DIP2C: variants seen among roughly 807,000 people sequenced by gnomAD.
DIP2C encodes DIP2 acetate--CoA ligase C (putative).
In DIP2C, 33 loss-of-function variants were observed where a neutral mutation model predicts 192.4. That is an observed-to-expected ratio of 0.17 (90% CI 0.13 to 0.23). DIP2C has a LOEUF of 0.23. Ranked by LOEUF, DIP2C falls within the 10% of genes least tolerant of loss-of-function variation. The pLI is 1.00. For synonymous variants in DIP2C, 979 were observed against 864.1 expected (o/e 1.13, Z -2.33); for missense variants, 1,537 against 2,110.1 (o/e 0.73, Z 5.32).
In DIP2C at chr10:288,391, A is replaced by G. The variant is rs745373482; in HGVS notation, c.4017T>C (p.His1339=). The change falls in exon 33 of 37, where the codon CAT becomes CAC. Residue 1339 remains histidine (H), a synonymous_variant. Coordinates refer to ENST00000280886, the MANE Select transcript of DIP2C (RefSeq NM_014974.3). ...RVRLVERGSP[H]SLPLMESGKI... ...TTCCCGATTCCATCAGGGGCAGACT[A>G]TGAGGGGATCCTCTTTCCACTAAGC... 2 of 1,614,086 alleles carry G rather than the reference A, an allele frequency of 1.2e-6. No homozygotes were observed. The highest frequency in any genetic ancestry group is 2.2e-5 in the South Asian group (2 of 91,052).
At chr10:588,410 T>C (rs1295883525) in intron 1 of DIP2C, among the ~76,000 whole-genome samples, 2 of 152,210 alleles carry the variant, frequency 1.3e-5, no homozygotes, top group Non-Finnish European at 2.9e-5. Flanking sequence ...ATTGGGAGAT[T>C]CCATCTCCGG....
At chr10:633,575 G>A (rs373726751) in intron 1 of DIP2C, among the ~76,000 whole-genome samples, 4 of 152,204 alleles carry the variant, frequency 2.6e-5, no homozygotes, top group African/African-American at 4.8e-5. Flanking sequence ...GGGCCCTCGC[G>A]TCACCCAAGG....
chr10:577,737 G>A (rs992233812), intron 1 of DIP2C, among the ~76,000 whole-genome samples: 3 of 152,088 alleles, frequency 2.0e-5, no homozygotes, highest in East Asian at 1.9e-4. Flanking sequence ...CTGAACACCT[G>A]GGAGAAATGT....
At chr10:528,305 ACCCAGAATGCAGACCGCCCACAGCTCC>A (rs1379485042) in intron 1 of DIP2C, among the ~76,000 whole-genome samples, 6 of 151,380 alleles carry the variant, frequency 4.0e-5, no homozygotes. Context: ...CCTGCTGCCC[ACCCAGAATGCAGACCGCCCACAGCTCC>A]CCCAGAAAGC....
chr10:689,554 T>G lies in DIP2C; in HGVS notation c.25A>C (p.Met9Leu), dbSNP rs1831469535. ...GCCCGCACCTCCAGGGGCAGCGCCA[T>G]GCCCTCCAGGCTGCGGTCCGCCATG... MADRSLEG[M>L]ALPLEVRARL... Residue 9 changes from methionine to leucine, a missense_variant, in exon 1 of 37, where the codon ATG becomes CTG. Coordinates refer to ENST00000280886, the MANE Select transcript of DIP2C (RefSeq NM_014974.3). This position sits in a 1 kb window ranked among gnomAD's most constrained non-coding sequence, Gnocchi z 6.1. 1 of 1,274,400 alleles carries G rather than the reference T, an allele frequency of 7.8e-7. No homozygotes were observed. The highest frequency in any genetic ancestry group is 2.8e-5 in the Admixed American group (1 of 36,112). The allele number at this position is 1,274,400 out of a possible 1,614,324, so 78.9% of individuals were successfully genotyped here.
At chr10:597,168 G>A (rs1289319286) in intron 1 of DIP2C, among the ~76,000 whole-genome samples, 1 of 152,208 alleles carries the variant, frequency 6.6e-6, no homozygotes, top group African/African-American at 2.4e-5. Context: ...CTGGCTGCAG[G>A]CCAGTGGCAT....
At chr10:467,018 C>A (rs1374041355) in intron 3 of DIP2C, among the ~76,000 whole-genome samples, 1 of 150,980 alleles carries the variant, frequency 6.6e-6, no homozygotes, top group Non-Finnish European at 1.5e-5. Flanking sequence ...TTTGACCCAG[C>A]CATCCCATTA....
Position 658,128 on chromosome 10 carries a change from G to A in DIP2C, c.85+31366C>T, listed in dbSNP as rs1308525290. ...CCCTGGACCTGCCCCTGGACCTGCC[G>A]CTGGACCTGTCCCTGGACCTGACGC... On this transcript the variant is annotated intron_variant, in intron 1 of 36. Coordinates refer to ENST00000280886, the MANE Select transcript of DIP2C (RefSeq NM_014974.3). Among the ~76,000 whole-genome samples the A allele has an allele frequency of 6.5e-5, 8 of 122,244 alleles. No individual in the cohort carries two copies. The East Asian group carries it at 1.3e-3, about 19-fold the overall frequency. The allele number at this position is 122,244 out of a possible 152,430, so 80.2% of individuals were successfully genotyped here.
chr10:577,282 T>C (rs1157768895), intron 1 of DIP2C, among the ~76,000 whole-genome samples: 2 of 152,236 alleles, frequency 1.3e-5, no homozygotes, highest in Admixed American at 6.5e-5. Context: ...ATACAGTTTA[T>C]CACTAATTCA....
intron 26 of DIP2C, among the ~76,000 whole-genome samples, chr10:347,411 TCGCG>T: frequency 7.6e-6 from 1 of 131,802 alleles, no homozygotes; most frequent in East Asian, 2.2e-4. Context: ...CCCGGACACA[TCGCG>T]CATAGTTCTC....
intron 1 of DIP2C, chr10:661,898 C>G: frequency 1.6e-6 from 1 of 624,724 alleles, no homozygotes; most frequent in Non-Finnish European, 2.9e-6. Flanking sequence ...CAACGCCGAC[C>G]TCAGGGTGTA....
intron 24 of DIP2C, among the ~76,000 whole-genome samples, chr10:351,259 G>A (rs1958795274): frequency 3.3e-5 from 5 of 152,350 alleles, no homozygotes; most frequent in Admixed American, 3.3e-4. Flanking sequence ...AGCTCGAAGG[G>A]CCCGTGTCAG....
chr10:356,537 C>T, intron 23 of DIP2C, 31 bp from the exon 24 acceptor site: 3 of 1,589,146 alleles, frequency 1.9e-6, no homozygotes, highest in Non-Finnish European at 2.6e-6. Context: ...GAGGATCAGG[C>T]TGTGCGGTTG....
At chr10:641,054 T>C (rs954197216) in intron 1 of DIP2C, among the ~76,000 whole-genome samples, 2 of 152,136 alleles carry the variant, frequency 1.3e-5, no homozygotes, top group African/African-American at 4.8e-5. Flanking sequence ...ATCTGGCACA[T>C]TGAGACTTTT....
chr10:306,568 C>T (rs781405341), intron 32 of DIP2C, among the ~76,000 whole-genome samples: 1 of 152,198 alleles, frequency 6.6e-6, no homozygotes, highest in Non-Finnish European at 1.5e-5. Context: ...GTGACAGAGC[C>T]TAATGCAGAT....
intron 1 of DIP2C, among the ~76,000 whole-genome samples, chr10:655,038 T>C (rs535989524): frequency 5.3e-5 from 8 of 152,294 alleles, no homozygotes; most frequent in African/African-American, 1.2e-4. Flanking sequence ...TTTGTGCAGA[T>C]AGGGGAACTT....
chr10:479,238 C>T (rs1030733556), intron 2 of DIP2C, among the ~76,000 whole-genome samples: 1 of 151,516 alleles, frequency 6.6e-6, no homozygotes, highest in Non-Finnish European at 1.5e-5. Flanking sequence ...AATAATTTTC[C>T]TTGTATTCAC....
intron 1 of DIP2C, among the ~76,000 whole-genome samples, chr10:633,881 T>A (rs936597061): frequency 6.6e-6 from 1 of 152,214 alleles, no homozygotes; most frequent in African/African-American, 2.4e-5. Flanking sequence ...CATCTCTGAA[T>A]AAATGCAGGA....
chr10:464,659 A>T (rs1326634726), intron 3 of DIP2C, among the ~76,000 whole-genome samples: 1 of 152,258 alleles, frequency 6.6e-6, no homozygotes, highest in Admixed American at 6.5e-5. Flanking sequence ...AAATCATGAT[A>T]CTATAAAGAC....
Sources: allele counts gnomAD v4.1 joint callset (sites outside exome capture counted in the v4.1 genomes callset), GRCh38; gene constraint gnomAD v4.1.1; non-coding constraint Gnocchi (gnomAD v3.1); transcripts MANE v1.5; gene names NCBI Gene and HGNC (gene_info 2026-07-23, HGNC 2026-07-21).